Variants in NTRK3 observed in about 807,000 individuals in gnomAD.
NTRK3 encodes neurotrophic receptor tyrosine kinase 3.
NTRK3 carries 24 observed loss-of-function variants against 91.7 expected under a neutral mutation model. The ratio of observed to expected loss-of-function variants is 0.26; its 90% CI spans 0.19 to 0.37. NTRK3 has a LOEUF of 0.37. Ranked by LOEUF, NTRK3 falls within the 10% of genes least tolerant of loss-of-function variation. NTRK3 has a pLI of 1.00. For missense variants in NTRK3, 880 were observed against 1,068.9 expected, an observed-to-expected ratio of 0.82 and a Z score of 2.46; for synonymous variants, 483 against 404.0, an observed-to-expected ratio of 1.20 and a Z score of -2.34.
intron 17 of NTRK3, among the ~76,000 whole-genome samples, chr15:87,902,701 A>T (rs1389408462): frequency 6.6e-6 from 1 of 152,228 alleles, no homozygotes; most frequent in East Asian, 1.9e-4. Context: ...TGCTTAAGGT[A>T]GAGAGTTTTC....
At position 88,187,211 on chromosome 15, in the gene NTRK3, T is replaced by A. The variant is rs866053267; in HGVS notation, c.249-2912A>T. ...TTGATAAAAACCCCATGTGGCAGAGTGTGGAGGGGAAGGAAACCTGTCATT... is the reference window on the plus strand; with the variant it reads ...TTGATAAAAACCCCATGTGGCAGAGAGTGGAGGGGAAGGAAACCTGTCATT... On this transcript the variant is annotated intron_variant, in intron 3 of 18. Coordinates refer to ENST00000394480, the Ensembl canonical transcript of NTRK3. Among the ~76,000 whole-genome samples, 5 of 151,992 alleles carry A rather than the reference T, an allele frequency of 3.3e-5. No homozygotes were observed. The South Asian group carries it at 6.2e-4, about 19-fold the overall frequency.
At chr15:87,995,088 A>G (rs1206446211) in intron 14 of NTRK3, among the ~76,000 whole-genome samples, 1 of 152,258 alleles carries the variant, frequency 6.6e-6, no homozygotes, top group Non-Finnish European at 1.5e-5. Flanking sequence ...CCCACTTTCA[A>G]AACAATGTCA....
chr15:87,867,497 A>C lies in NTRK3; in HGVS notation c.*9438T>G, dbSNP rs75748621. ...TCAGGGCAGGATCTTGAGATGGTAT[A>C]TAATATTTCAGTGATAACCAACTTG... is the stretch of plus-strand genomic sequence containing the variant. On this transcript the variant is annotated 3_prime_UTR_variant, in exon 19 of 19. Coordinates refer to ENST00000394480, the Ensembl canonical transcript of NTRK3. 2.6e-3 allele frequency: 597 copies of C among 230,140 alleles called. 1 individual carries two copies. Among genetic ancestry groups the C allele is most frequent in the African/African-American group, 0.011 (507 of 45,280 alleles). The allele number at this position is 230,140 out of a possible 1,614,324, so 14.3% of individuals were successfully genotyped here.
chr15:87,970,376 G>A (rs567797709), intron 14 of NTRK3, among the ~76,000 whole-genome samples: 4 of 152,328 alleles, frequency 2.6e-5, no homozygotes, highest in African/African-American at 7.2e-5. Context: ...CTGACTCTAC[G>A]TAGAAGGCAG....
intron 3 of NTRK3, among the ~76,000 whole-genome samples, chr15:88,210,332 A>C (rs1196321454): frequency 6.6e-6 from 1 of 152,220 alleles, no homozygotes; most frequent in East Asian, 1.9e-4. Context: ...AACAGAGAGC[A>C]ATGACCTGAT....
At chr15:87,873,650 C>T in exon 19 of NTRK3, 1 of 231,928 alleles carries the variant, frequency 4.3e-6, no homozygotes, top group Non-Finnish European at 8.5e-6. Flanking sequence ...CTGGAGTGGC[C>T]ATATTGGCTA....
chr15:87,886,441 T>G (rs1387169574), intron 17 of NTRK3, among the ~76,000 whole-genome samples: 1 of 151,262 alleles, frequency 6.6e-6, no homozygotes, highest in Non-Finnish European at 1.5e-5. Flanking sequence ...ATAGTAGAGC[T>G]ATGTGTACTG....
chr15:87,914,928 G>T (rs936753418), intron 17 of NTRK3, among the ~76,000 whole-genome samples: 2 of 152,198 alleles, frequency 1.3e-5, no homozygotes, highest in Non-Finnish European at 2.9e-5. Flanking sequence ...TTTTTCCAGG[G>T]TGTACATGGT....
intron 12 of NTRK3, 91 bp downstream of exon 12, chr15:88,127,071 A>T: frequency 8.8e-7 from 1 of 1,133,828 alleles, no homozygotes; most frequent in Non-Finnish European, 1.3e-6. Flanking sequence ...AGTTTCAAGT[A>T]AGATAATATT....
intron 3 of NTRK3, among the ~76,000 whole-genome samples, chr15:88,216,312 C>T (rs376693445): frequency 2.6e-5 from 4 of 152,170 alleles, no homozygotes; most frequent in African/African-American, 7.2e-5. Context: ...TATCTTGCCC[C>T]GGAGGCTCAG....
chr15:87,974,127 G>A (rs1380478835), intron 14 of NTRK3, among the ~76,000 whole-genome samples: 2 of 152,178 alleles, frequency 1.3e-5, no homozygotes, highest in African/African-American at 4.8e-5. Context: ...TGACCTGAGG[G>A]AACTGGGACG....
In NTRK3 at chr15:88,185,229, C is replaced by T. The variant is rs1457560469; in HGVS notation, c.249-930G>A. Among the ~76,000 whole-genome samples, 4 of 152,188 alleles carry T rather than the reference C, an allele frequency of 2.6e-5. No individual in the cohort carries two copies. The East Asian group carries it at 7.7e-4, about 29-fold the overall frequency. On this transcript the variant is annotated intron_variant, in intron 3 of 18. Transcript: ENST00000394480. ...AATTCATCTTCTTGGATTTATTAATCAGCAATATAAATCACTATTAACCAG... is the reference window on the plus strand; with the variant it reads ...AATTCATCTTCTTGGATTTATTAATTAGCAATATAAATCACTATTAACCAG...
rs141492964 is a variant in NTRK3, at chr15:88,086,201, T to C, written c.1396+40070A>G. ...TTACCCAGTCTCACGACTGCAGATA[T>C]TGCACATGACGCCTCCATTATTTGT... is the stretch of plus-strand genomic sequence containing the variant. On this transcript the variant is annotated intron_variant, in intron 13 of 18. Transcript: ENST00000394480. Among the ~76,000 whole-genome samples the C allele has an allele frequency of 8.0e-3, 1,226 of 152,356 alleles. 5 individuals carry two copies. Among genetic ancestry groups the C allele is most frequent in the Non-Finnish European group, 0.013 (872 of 68,038 alleles).
chr15:88,182,479 T>C (rs960243354), intron 5 of NTRK3, among the ~76,000 whole-genome samples: 1 of 152,148 alleles, frequency 6.6e-6, no homozygotes, highest in African/African-American at 2.4e-5. Flanking sequence ...AGTGAAACTT[T>C]TAAGTGGCCA....
chr15:87,871,045 T>C (rs2064816833), exon 19 of NTRK3: 1 of 230,058 alleles, frequency 4.3e-6, no homozygotes, highest in Non-Finnish European at 8.6e-6. Context: ...CTGGGTCTTG[T>C]TTTAAATTTG....
intron 5 of NTRK3, among the ~76,000 whole-genome samples, chr15:88,170,013 C>T (rs1427984230): frequency 6.6e-6 from 1 of 152,172 alleles, no homozygotes; most frequent in African/African-American, 2.4e-5. Context: ...CACCCCTAGA[C>T]TATCCCACTG....
At chr15:87,970,749 T>C (rs561415946) in intron 14 of NTRK3, among the ~76,000 whole-genome samples, 1 of 152,300 alleles carries the variant, frequency 6.6e-6, no homozygotes, top group South Asian at 2.1e-4. Context: ...GAAACATTGC[T>C]GCAATCAATA....
At chr15:88,170,939 C>G (rs1343723298) in intron 5 of NTRK3, among the ~76,000 whole-genome samples, 1 of 152,164 alleles carries the variant, frequency 6.6e-6, no homozygotes, top group Non-Finnish European at 1.5e-5. Flanking sequence ...GCCTTCCACC[C>G]CAGGCCCTCT....
intron 13 of NTRK3, among the ~76,000 whole-genome samples, chr15:88,115,810 G>C (rs1295801360): frequency 6.6e-6 from 1 of 152,270 alleles, no homozygotes; most frequent in Admixed American, 6.5e-5. Flanking sequence ...CAGTGTCTCT[G>C]AGGCCGGCGG....
Sources: gnomAD v4.1 joint callset for allele counts (sites outside exome capture counted in the v4.1 genomes callset) on GRCh38, gnomAD v4.1.1 for gene constraint, MANE v1.5 for transcripts, NCBI Gene and HGNC (gene_info 2026-07-23, HGNC 2026-07-21) for gene names.